The following NLRC5 variants were observed in gnomAD, a reference collection of about 807,000 sequenced individuals.
The protein encoded by NLRC5 is protein NLRC5.
Under a neutral mutation model 206.9 loss-of-function variants are expected in NLRC5, and 114 were observed. That is an observed-to-expected ratio of 0.55 (90% CI 0.47 to 0.64). The LOEUF (loss-of-function observed/expected upper bound fraction) is 0.64. Among genes scored for constraint, NLRC5 ranks in the 30% least tolerant of loss-of-function variants. NLRC5 has a pLI of 0.00. For missense variants in NLRC5, 2,008 were observed against 2,305.5 expected, an observed-to-expected ratio of 0.87 and a Z score of 2.64; for synonymous variants, 952 against 962.8, an observed-to-expected ratio of 0.99 and a Z score of 0.21.
intron 22 of NLRC5, 27 bp downstream of exon 22, chr16:57,046,668 G>C (rs1197665530): frequency 1.2e-6 from 2 of 1,600,084 alleles, no homozygotes; most frequent in Middle Eastern, 1.7e-4. Context: ...TCTTGTTTGG[G>C]GGTAACCATA....
At chr16:56,993,904 G>A (rs1441061384) in intron 1 of NLRC5, among the ~76,000 whole-genome samples, 2 of 149,130 alleles carry the variant, frequency 1.3e-5, no homozygotes, top group Non-Finnish European at 3.0e-5. Context: ...GTCATTGTTA[G>A]ATATTTATAT....
intron 36 of NLRC5, among the ~76,000 whole-genome samples, chr16:57,068,720 C>A (rs767040607): frequency 6.6e-6 from 1 of 152,222 alleles, no homozygotes; most frequent in Non-Finnish European, 1.5e-5. Flanking sequence ...ACTCCAATCT[C>A]ACCAGTTCTC....
intron 1 of NLRC5, among the ~76,000 whole-genome samples, chr16:56,991,642 G>C (rs2056874517): frequency 6.9e-6 from 1 of 145,874 alleles, no homozygotes; most frequent in African/African-American, 2.5e-5. Flanking sequence ...TCGGCCTCCT[G>C]TGGGATTATA....
chr16:57,053,547 G>C (rs927921391), intron 24 of NLRC5, among the ~76,000 whole-genome samples: 1 of 152,060 alleles, frequency 6.6e-6, no homozygotes, highest in Non-Finnish European at 1.5e-5. Flanking sequence ...TCTTTTTTGT[G>C]GGGGAGGGTC....
chr16:57,059,554 G>A, intron 30 of NLRC5, 22 bp downstream of exon 30: 1 of 1,593,044 alleles, frequency 6.3e-7, no homozygotes, highest in Non-Finnish European at 8.6e-7. Context: ...AGGGTGATGG[G>A]ACAGGGGACA....
chr16:57,002,893 T>G (rs2058452701), intron 1 of NLRC5, among the ~76,000 whole-genome samples: 1 of 152,142 alleles, frequency 6.6e-6, no homozygotes, highest in Non-Finnish European at 1.5e-5. Context: ...TCTGCCCACC[T>G]CGGCCTCCCA....
chr16:57,057,606 T>A (rs1368305642), intron 27 of NLRC5, among the ~76,000 whole-genome samples: 1 of 152,168 alleles, frequency 6.6e-6, no homozygotes, highest in Non-Finnish European at 1.5e-5. Flanking sequence ...GGATCCCAAA[T>A]GATGCCGGCC....
chr16:57,020,290 A>G (rs1227475885), intron 2 of NLRC5, among the ~76,000 whole-genome samples: 1 of 75,730 alleles, frequency 1.3e-5, no homozygotes, highest in African/African-American at 5.2e-5. Context: ...TGTCCCCCAA[A>G]TCACCTGCCC....
chr16:57,055,704 G>A (rs1022619334), intron 27 of NLRC5, among the ~76,000 whole-genome samples, 185 bp downstream of exon 27: 38 of 152,142 alleles, frequency 2.5e-4, no homozygotes, highest in African/African-American at 8.2e-4. Flanking sequence ...TCTCTCTCCC[G>A]CCCCCACTCT....
intron 2 of NLRC5, 41 bp from the exon 3 acceptor site, chr16:57,020,660 A>G (rs1183256): frequency 7.6e-7 from 1 of 1,313,982 alleles, no homozygotes; most frequent in Non-Finnish European, 1.0e-6. Flanking sequence ...CCCCCAGTTT[A>G]CCTGTCCCCC....
At chr16:57,080,883 G>A (rs770424430) in intron 46 of NLRC5, 17 of 540,958 alleles carry the variant, frequency 3.1e-5, no homozygotes, top group Non-Finnish European at 4.6e-5. Context: ...TGTGAACAAC[G>A]TCATGATTCA....
intron 1 of NLRC5, among the ~76,000 whole-genome samples, chr16:57,005,596 A>T (rs1015625679): frequency 3.3e-5 from 5 of 152,088 alleles, no homozygotes; most frequent in Non-Finnish European, 7.4e-5. Flanking sequence ...TTTAAAACTT[A>T]ATTTTCATTA....
At chr16:57,037,150 T>C (rs777498467) in intron 14 of NLRC5, 45 bp from the exon 15 acceptor site, 5 of 1,517,058 alleles carry the variant, frequency 3.3e-6, no homozygotes, top group Non-Finnish European at 4.6e-6. Context: ...TGGGGCTGGG[T>C]ACCTCAGCCA....
chr16:57,042,976 C>T (rs1377288957), intron 19 of NLRC5, among the ~76,000 whole-genome samples: 1 of 152,180 alleles, frequency 6.6e-6, no homozygotes, highest in Non-Finnish European at 1.5e-5. Flanking sequence ...AGTATGTCCT[C>T]ATGTGACCTT....
At chr16:57,056,172 A>T (rs1410859889) in intron 27 of NLRC5, among the ~76,000 whole-genome samples, 3 of 152,260 alleles carry the variant, frequency 2.0e-5, no homozygotes, top group Non-Finnish European at 4.4e-5. Context: ...GCTCAGACGC[A>T]TTGGGAATCC....
At chr16:57,065,115 G>C in intron 32 of NLRC5, 97 bp from the exon 33 acceptor site, 1 of 670,138 alleles carries the variant, frequency 1.5e-6, no homozygotes, top group Non-Finnish European at 2.2e-6. Flanking sequence ...AAGCCTCTAG[G>C]TCCCCCCCTT....
intron 4 of NLRC5, among the ~76,000 whole-genome samples, chr16:57,022,722 C>T (rs1188451331): frequency 2.6e-5 from 4 of 152,246 alleles, no homozygotes; most frequent in African/African-American, 7.2e-5. Context: ...CTGTCTTCAG[C>T]GGGGGAGCCT....
At chr16:57,039,496 G>A (rs2063009743) in intron 15 of NLRC5, among the ~76,000 whole-genome samples, 1 of 152,174 alleles carries the variant, frequency 6.6e-6, no homozygotes, top group Non-Finnish European at 1.5e-5. Flanking sequence ...AAAGGTGGGA[G>A]GATCACCTGA....
Position 57,020,825 on chromosome 16 carries a change from A to T in NLRC5, c.113A>T (p.Asn38Ile). 6.2e-7 allele frequency: 1 copy of T among 1,613,424 alleles called. No homozygotes were observed. Among genetic ancestry groups the T allele is most frequent in the Middle Eastern group, 1.7e-4 (1 of 6,060 alleles). ...GCCAAGATGAAGTTCTTCCTCCCCAACACGGACCTGGATTCCAGGAACGAG... is the reference window on the plus strand; with the variant it reads ...GCCAAGATGAAGTTCTTCCTCCCCATCACGGACCTGGATTCCAGGAACGAG... ...LNAKMKFFLP[N>I]TDLDSRNETL... Residue 38 changes from asparagine (N) to isoleucine (I), a missense_variant, in exon 3 of 49, where the codon AAC (asparagine) becomes ATC (isoleucine). Transcript: ENST00000688547.
Sources: allele counts gnomAD v4.1 joint callset (sites outside exome capture counted in the v4.1 genomes callset), GRCh38; gene constraint gnomAD v4.1.1; transcripts MANE v1.5; gene names NCBI Gene and HGNC (gene_info 2026-07-23, HGNC 2026-07-21).